Variants in MED27 observed in about 807,000 individuals in gnomAD.
MED27 encodes mediator complex subunit 27.
In MED27, 30 loss-of-function variants were observed where a neutral mutation model predicts 38.2. The ratio of observed to expected loss-of-function variants is 0.79; its 90% confidence interval spans 0.59 to 1.07. The LOEUF is 1.07. Ranked by LOEUF, MED27 falls within the 50% of genes least tolerant of loss-of-function variation. The pLI is 0.00. For synonymous variants in MED27, 122 were observed against 153.5 expected (o/e 0.79, Z 1.52); for missense variants, 289 against 397.5 (o/e 0.73, Z 2.32).
chr9:132,019,398 CAA>C (rs1832671986), intron 2 of MED27, among the ~76,000 whole-genome samples: 2 of 152,206 alleles, frequency 1.3e-5, no homozygotes, highest in South Asian at 4.1e-4. Context: ...CTTACGAAAG[CAA>C]ACACACTGCT....
At chr9:132,020,762 T>C (rs1012866676) in intron 2 of MED27, among the ~76,000 whole-genome samples, 3 of 152,218 alleles carry the variant, frequency 2.0e-5, no homozygotes, top group South Asian at 2.1e-4. Context: ...ATAAATCTAA[T>C]TGTTTTGCTT....
chr9:131,870,654 G>C (rs934884760), intron 6 of MED27, among the ~76,000 whole-genome samples: 12 of 152,140 alleles, frequency 7.9e-5, no homozygotes, highest in Middle Eastern at 3.2e-3. Flanking sequence ...GGTGGACAGG[G>C]GTTGTGGGGG....
At chr9:131,970,912 C>T (rs1439081541) in intron 3 of MED27, among the ~76,000 whole-genome samples, 1 of 152,044 alleles carries the variant, frequency 6.6e-6, no homozygotes, top group Non-Finnish European at 1.5e-5. Flanking sequence ...TAGGGAAATA[C>T]GAATACAGGC....
intron 6 of MED27, among the ~76,000 whole-genome samples, chr9:131,876,274 C>T (rs989213224): frequency 1.3e-5 from 2 of 152,190 alleles, no homozygotes; most frequent in Admixed American, 1.3e-4. Context: ...TGACAGATGA[C>T]TACTCTGTGA....
chr9:131,891,977 T>C (rs1839236773), intron 5 of MED27, among the ~76,000 whole-genome samples: 1 of 152,076 alleles, frequency 6.6e-6, no homozygotes, highest in African/African-American at 2.4e-5. Context: ...GGGGGTACTG[T>C]TAACCAAGAT....
At chr9:131,972,921 C>T (rs1054292077) in intron 3 of MED27, among the ~76,000 whole-genome samples, 5 of 152,156 alleles carry the variant, frequency 3.3e-5, no homozygotes, top group Non-Finnish European at 7.3e-5. Flanking sequence ...TGATGGTGTG[C>T]ACCTGTAAAC....
intron 3 of MED27, among the ~76,000 whole-genome samples, chr9:131,987,403 C>A (rs768510287): frequency 6.6e-6 from 1 of 152,026 alleles, no homozygotes; most frequent in African/African-American, 2.4e-5. Flanking sequence ...AGTAGCAAAG[C>A]GGAGTCATTT....
At position 131,893,972 on chromosome 9, in the gene MED27, C is replaced by T; in HGVS notation, c.594G>A (p.Leu198=). The change falls in exon 5 of 8, where the codon TTG becomes TTA. Residue 198 remains leucine, a synonymous_variant. Coordinates refer to ENST00000292035, the MANE Select transcript of MED27 (RefSeq NM_004269.4). ...GGCTCCGCATGACGACGATCACTTTCAACACCTTTCCCAAGGTCACCTGCC... is the reference window on the plus strand; with the variant it reads ...GGCTCCGCATGACGACGATCACTTTTAACACCTTTCCCAAGGTCACCTGCC... ...AMLLVTLGKV[L]KVIVVMRSLF... is the part of the protein sequence containing the mutation. The T allele has an allele frequency of 6.2e-7, 1 of 1,614,174 alleles. No individual in the cohort carries two copies.
At chr9:132,035,726 G>A (rs1833060062) in intron 2 of MED27, among the ~76,000 whole-genome samples, 1 of 152,182 alleles carries the variant, frequency 6.6e-6, no homozygotes, top group Non-Finnish European at 1.5e-5. Context: ...ACTTTTGGAG[G>A]CCAAGGCAGG....
chr9:132,049,971 C>T (rs1833425410), intron 2 of MED27, among the ~76,000 whole-genome samples: 1 of 151,996 alleles, frequency 6.6e-6, no homozygotes, highest in Non-Finnish European at 1.5e-5. Context: ...TCAAACCTAA[C>T]ACTACAAAGA....
intron 3 of MED27, among the ~76,000 whole-genome samples, chr9:131,996,474 T>C (rs530240870): frequency 3.9e-5 from 6 of 152,278 alleles, no homozygotes; most frequent in African/African-American, 1.4e-4. Flanking sequence ...AGGCTATAGT[T>C]GATCTTGATC....
intron 3 of MED27, among the ~76,000 whole-genome samples, chr9:131,963,785 T>C (rs1203831679): frequency 1.3e-5 from 2 of 152,212 alleles, no homozygotes; most frequent in Admixed American, 6.5e-5. Flanking sequence ...TATATAAGCA[T>C]TGGCTCCTAG....
chr9:132,035,634 G>A (rs1166770659), intron 2 of MED27, among the ~76,000 whole-genome samples: 1 of 152,112 alleles, frequency 6.6e-6, no homozygotes. Flanking sequence ...TCTGACAGAG[G>A]GGAAAAAATG....
chr9:132,065,200 C>T (rs1041033848), intron 2 of MED27, among the ~76,000 whole-genome samples: 1 of 152,160 alleles, frequency 6.6e-6, no homozygotes, highest in African/African-American at 2.4e-5. Flanking sequence ...AGATTCTCAT[C>T]CTTCAAAATT....
intron 4 of MED27, among the ~76,000 whole-genome samples, chr9:131,925,178 A>G (rs1219339076): frequency 6.6e-6 from 1 of 152,220 alleles, no homozygotes. Context: ...GAAAAACTGT[A>G]GCCCACGGGT....
Position 131,863,128 on chromosome 9 carries a change from C to T in MED27, c.736G>A (p.Ala246Thr). ...TGATAGTGGAGCAGGGCAGTGGTGG[C>T]ATGGTCTGTCACCTGAGAGTGAAGG... ...YQVFQKVTDH[A>T]TTALLHYQLP... Residue 246 changes from alanine to threonine, a missense_variant, in exon 7 of 8, where the codon GCC becomes ACC. Physicochemically the swap from Ala to Thr is moderately conservative, Grantham distance 58 (BLOSUM62 0). Transcript: ENST00000292035. The T allele has an allele frequency of 6.2e-7, 1 of 1,614,156 alleles. No individual in the cohort carries two copies. Among genetic ancestry groups the T allele is most frequent in the Non-Finnish European group, 8.5e-7 (1 of 1,180,010 alleles).
intron 3 of MED27, among the ~76,000 whole-genome samples, chr9:131,987,309 C>T (rs541558636): frequency 4.0e-4 from 61 of 152,220 alleles, no homozygotes; most frequent in South Asian, 1.7e-3. Flanking sequence ...GGTAACTCTG[C>T]CATCTAACAT....
At chr9:132,018,188 G>A (rs1481256452) in intron 2 of MED27, among the ~76,000 whole-genome samples, 5 of 152,178 alleles carry the variant, frequency 3.3e-5, no homozygotes. Context: ...AAAGGTATTT[G>A]ATGTGAAGGA....
At chr9:131,895,071 G>T (rs1304653886) in intron 4 of MED27, among the ~76,000 whole-genome samples, 1 of 152,102 alleles carries the variant, frequency 6.6e-6, no homozygotes, top group Non-Finnish European at 1.5e-5. Context: ...AAGCAGATAC[G>T]GGCATCATGC....
Sources: allele counts gnomAD v4.1 joint callset (sites outside exome capture counted in the v4.1 genomes callset), GRCh38; gene constraint gnomAD v4.1.1; transcripts MANE v1.5; gene names NCBI Gene and HGNC (gene_info 2026-07-23, HGNC 2026-07-21).